The following OTULIN variants were observed in gnomAD, a reference collection of about 807,000 sequenced individuals.
OTULIN encodes ubiquitin thioesterase otulin.
Under a neutral mutation model 39.6 loss-of-function variants are expected in OTULIN, and 15 were observed. The ratio of observed to expected loss-of-function variants is 0.38; its 90% CI spans 0.25 to 0.58. The LOEUF is 0.58. Ranked by LOEUF, OTULIN falls within the 20% of genes least tolerant of loss-of-function variation. The probability of loss-of-function intolerance (pLI) is 0.66; values close to 1 mark genes in which losing one functional copy is unlikely to be tolerated. For synonymous variants in OTULIN, 156 were observed against 170.3 expected (o/e 0.92, Z 0.65); for missense variants, 319 against 445.9 (o/e 0.72, Z 2.56).
At chr5:14,710,915 T>C in the OTULIN span, 1 of 421,908 alleles carries the variant, frequency 2.4e-6, no homozygotes, top group Non-Finnish European at 4.4e-6. Context: ...ACGTCAACCG[T>C]GAGGCAGCTG....
At chr5:14,699,890 C>T (rs577933529), downstream of OTULIN, among the ~76,000 whole-genome samples, 1 of 152,300 alleles carries the variant, frequency 6.6e-6, no homozygotes, top group Non-Finnish European at 1.5e-5. Context: ...TTGCCTCTGA[C>T]ATTAAACTCT....
In OTULIN at chr5:14,678,702, C is replaced by A; in HGVS notation, c.251C>A (p.Pro84His). ...GASEPRLSVA[P>H]EMDIMDYCKK... ...ACAGAACCGAGATTAAGCGTAGCTC[C>A]TGAAATGGATATCATGGACTACTGC... Residue 84 changes from proline (P) to histidine (H), a missense_variant, in exon 3 of 7, where the codon CCT becomes CAT. Coordinates refer to ENST00000284274, the MANE Select transcript of OTULIN (RefSeq NM_138348.6). The A allele has an allele frequency of 6.3e-7, 1 of 1,590,920 alleles. No homozygotes were observed.
intron 4 of OTULIN, 73 bp downstream of exon 4, chr5:14,681,680 C>T: frequency 2.0e-6 from 3 of 1,485,926 alleles, no homozygotes; most frequent in Non-Finnish European, 2.7e-6. Flanking sequence ...CCTTTCTGTC[C>T]ATGCTACCTT....
intron 1 of OTULIN, among the ~76,000 whole-genome samples, chr5:14,672,139 G>A (rs1275076873): frequency 6.6e-6 from 1 of 152,308 alleles, no homozygotes; most frequent in East Asian, 1.9e-4. Flanking sequence ...CAGGTCAGGA[G>A]TTGTGGGCCG....
At chr5:14,716,138 CCAAAGCTCCA>C in the OTULIN span, among the ~76,000 whole-genome samples, 2 of 152,164 alleles carry the variant, frequency 1.3e-5, no homozygotes, top group African/African-American at 4.8e-5. Flanking sequence ...TTTATTGTCC[CCAAAGCTCCA>C]CATGCTATCC....
intron 3 of OTULIN, among the ~76,000 whole-genome samples, chr5:14,679,426 G>A (rs1159048306): frequency 2.0e-5 from 3 of 152,160 alleles, no homozygotes; most frequent in Non-Finnish European, 2.9e-5. Flanking sequence ...TATCAGTAGG[G>A]TGAACCATGT....
At chr5:14,673,353 G>C (rs1736025083) in intron 1 of OTULIN, among the ~76,000 whole-genome samples, 1 of 152,150 alleles carries the variant, frequency 6.6e-6, no homozygotes, top group Non-Finnish European at 1.5e-5. Context: ...ATATAGTTGA[G>C]GCACTAATAG....
At position 14,693,336 on chromosome 5, in the gene OTULIN, G is replaced by T; in HGVS notation, c.*288G>T. 2 of 289,886 alleles carry T rather than the reference G, an allele frequency of 6.9e-6. No homozygotes were observed. Among genetic ancestry groups the T allele is most frequent in the Admixed American group, 4.9e-5 (1 of 20,448 alleles). 18.0% of individuals were successfully genotyped at this position (289,886 alleles called of 1,614,324 possible). A position where few individuals can be genotyped will look rare whatever the true frequency, so the allele number is the denominator to read the frequency against. ...AGAAGGCAAATACTTTTGTATCAGA[G>T]GAAACTCAGTTTTGGAGAGGAATAT... On this transcript the variant is annotated 3_prime_UTR_variant, in exon 7 of 7. Transcript: ENST00000284274.
In OTULIN at chr5:14,693,384, ACTCT is replaced by A. The variant is rs1300266443; in HGVS notation, c.*341_*344del. 5.3e-6 allele frequency: 1 copy of A among 187,916 alleles called. No individual in the cohort carries two copies. Among genetic ancestry groups the A allele is most frequent in the Non-Finnish European group, 1.1e-5 (1 of 92,068 alleles). 11.6% of individuals were successfully genotyped at this position (187,916 alleles called of 1,614,324 possible). A position where few individuals can be genotyped will look rare whatever the true frequency, so the allele number is the denominator to read the frequency against. On this transcript the variant is annotated 3_prime_UTR_variant, in exon 7 of 7. Transcript: ENST00000284274. ...TATGTTCTTTATGTCTCAAATCAAAACTCTCTCTAATGGTAAACTGGCTTCTAAT... is the reference window on the plus strand; with the variant it reads ...TATGTTCTTTATGTCTCAAATCAAAACTCTAATGGTAAACTGGCTTCTAAT...
the OTULIN span, chr5:14,711,433 T>C: frequency 1.3e-6 from 1 of 797,810 alleles, no homozygotes; most frequent in Non-Finnish European, 2.2e-6. Flanking sequence ...AACCTTCTTA[T>C]GGTTGGGGTG....
At chr5:14,686,583 AATT>A (rs1454468396) in intron 4 of OTULIN, among the ~76,000 whole-genome samples, 2 of 152,170 alleles carry the variant, frequency 1.3e-5, no homozygotes, top group Non-Finnish European at 2.9e-5. Context: ...TGTAGGATTT[AATT>A]ATTCTTTAAT....
chr5:14,664,869 C>G lies in OTULIN; in HGVS notation c.44C>G (p.Ala15Gly). 8.3e-7 allele frequency: 1 copy of G among 1,199,180 alleles called. No homozygotes were observed. 74.3% of individuals were successfully genotyped at this position (1,199,180 alleles called of 1,614,324 possible). Residue 15 changes from alanine (A) to glycine (G), a missense_variant, in exon 1 of 7, where the codon GCG becomes GGG. This residue lies in a region of OTULIN where 132 missense variants were observed against 143.7 expected (regional missense o/e 0.92). Transcript: ENST00000284274. Reference sequence around the variant, plus strand: ...CCCCAGCCCGAAGCGTGGCCAGGCGCGAGCTGCGCCGAGACGCCGGCGCGG... The same window carrying G: ...CCCCAGCCCGAAGCGTGGCCAGGCGGGAGCTGCGCCGAGACGCCGGCGCGG... ...TMPQPEAWPG[A>G]SCAETPAREA...
intron 4 of OTULIN, among the ~76,000 whole-genome samples, chr5:14,685,905 C>G (rs540707770): frequency 6.6e-6 from 1 of 152,260 alleles, no homozygotes; most frequent in African/African-American, 2.4e-5. Flanking sequence ...ATCTGAGAGA[C>G]TGAATTGAAG....
rs190797576 is a variant in OTULIN at position 14,679,875 on chromosome 5, A to G, written c.324+1100A>G. 1.3e-3 allele frequency among the ~76,000 whole-genome samples: 197 copies of G among 152,272 alleles called. 2 individuals carry two copies. Among genetic ancestry groups the G allele is most frequent in the Non-Finnish European group, 3.5e-4 (24 of 68,026 alleles). ...AAACCTGGAATTCTTAGTTCCTGCC[A>G]GAGGTTAAGAACATTTATATTTTTG... is the stretch of plus-strand genomic sequence containing the variant. On this transcript the variant is annotated intron_variant, in intron 3 of 6. Coordinates refer to ENST00000284274, the MANE Select transcript of OTULIN (RefSeq NM_138348.6).
chr5:14,711,037 A>C, the OTULIN span: 4 of 712,576 alleles, frequency 5.6e-6, no homozygotes, highest in Non-Finnish European at 1.0e-5. Flanking sequence ...GAGCATACCC[A>C]GTATGCTAGA....
the OTULIN span, chr5:14,708,244 T>G: frequency 1.3e-5 from 2 of 152,210 alleles, no homozygotes; most frequent in African/African-American, 4.8e-5. Context: ...TCCTATGCTT[T>G]GAGCTGCCCA....
intron 4 of OTULIN, among the ~76,000 whole-genome samples, chr5:14,683,070 C>G (rs1374394607): frequency 1.3e-5 from 2 of 152,126 alleles, no homozygotes; most frequent in African/African-American, 2.4e-5. Context: ...CCCATCTGTT[C>G]CATGATTGTT....
chr5:14,682,760 G>C (rs1238375339), intron 4 of OTULIN, among the ~76,000 whole-genome samples: 2 of 151,992 alleles, frequency 1.3e-5, no homozygotes. Context: ...TAAGCAAAAA[G>C]ACCAACCTGG....
the OTULIN span, chr5:14,711,048 G>T: frequency 2.7e-6 from 2 of 747,210 alleles, no homozygotes; most frequent in Non-Finnish European, 4.8e-6. Flanking sequence ...GTATGCTAGA[G>T]AATTGACACG....
Sources: gnomAD v4.1 joint callset for allele counts (sites outside exome capture counted in the v4.1 genomes callset) on GRCh38, gnomAD v4.1.1 for gene constraint, gnomAD v4.1.1 regional missense constraint, MANE v1.5 for transcripts, NCBI Gene and HGNC (gene_info 2026-07-23, HGNC 2026-07-21) for gene names.